PTPN7: variants seen among roughly 807,000 people sequenced by gnomAD.
PTPN7 encodes protein tyrosine phosphatase non-receptor type 7.
PTPN7 carries 33 observed loss-of-function variants against 50.3 expected under a neutral mutation model. That is an observed-to-expected ratio of 0.66 (90% CI 0.50 to 0.88). The LOEUF is 0.88. Ranked by LOEUF, PTPN7 falls within the 40% of genes least tolerant of loss-of-function variation. The pLI is 0.00. For synonymous variants in PTPN7, 185 were observed against 186.6 expected (o/e 0.99, Z 0.07); for missense variants, 412 against 475.4 (o/e 0.87, Z 1.24).
intron 7 of PTPN7, among the ~76,000 whole-genome samples, chr1:202,153,160 TTTTG>T (rs1200481250): frequency 1.3e-5 from 2 of 152,192 alleles, no homozygotes; most frequent in African/African-American, 2.4e-5. Flanking sequence ...TTTTGTTTTA[TTTTG>T]TTTGTTTTTT....
chr1:202,148,594 G>C lies in PTPN7; in HGVS notation c.*12C>G. On this transcript the variant is annotated 3_prime_UTR_variant, in exon 10 of 10. Transcript: ENST00000691036. ...GGAGGTAGGCACCTGGGCCACCGGA[G>C]GGTGGCAGGGGTCAGGGGCTGGGTT... 6.2e-7 allele frequency: 1 copy of C among 1,611,042 alleles called. No homozygotes were observed. The highest frequency in any genetic ancestry group is 1.1e-5 in the South Asian group (1 of 90,926).
rs1657020108 is a variant in PTPN7, at chr1:202,159,043, G to C, written c.122+238C>G. ...GGCTCCGACATGCATCCAGCACCAA[G>C]AAGGCTGTGGGCCTTGCCTGGAATT... On this transcript the variant is annotated intron_variant, in intron 2 of 9. Coordinates refer to ENST00000691036, the MANE Select transcript of PTPN7 (RefSeq NM_002832.4). The surrounding 1 kb of genome is among the most constrained non-coding windows in gnomAD (Gnocchi z 4.6). 3.7e-6 allele frequency: 2 copies of C among 546,670 alleles called. No homozygotes were observed. The highest frequency in any genetic ancestry group is 6.5e-6 in the Non-Finnish European group (2 of 305,350). The allele number at this position is 546,670 out of a possible 1,614,324, so 33.9% of individuals were successfully genotyped here. A position where few individuals can be genotyped will look rare whatever the true frequency, so the allele number is the denominator to read the frequency against.
rs1655568860 is a variant in PTPN7, at chr1:202,148,561, G to C, written c.*45C>G. 9 of 1,562,708 alleles carry C rather than the reference G, an allele frequency of 5.8e-6. No homozygotes were observed. The highest frequency in any genetic ancestry group is 7.9e-6 in the Non-Finnish European group (9 of 1,135,886). ...CACTTTCCCCAGACCCACCTTCCCA[G>C]GCTTGAGGGAGGTAGGCACCTGGGC... On this transcript the variant is annotated 3_prime_UTR_variant, in exon 10 of 10. Transcript: ENST00000691036.
intron 2 of PTPN7, 94 bp from the exon 3 acceptor site, chr1:202,158,395 T>C: frequency 7.4e-7 from 1 of 1,354,588 alleles, no homozygotes; most frequent in South Asian, 1.4e-5. Context: ...GGTCTCTCTC[T>C]GTTGCCCAGG....
chr1:202,150,235 T>C (rs761852167), intron 9 of PTPN7, 76 bp downstream of exon 9: 1 of 1,130,770 alleles, frequency 8.8e-7, no homozygotes, highest in Non-Finnish European at 1.3e-6. Context: ...GTGATGGGCC[T>C]AGCAGAACTC....
rs761124871 is a variant in PTPN7 at position 202,152,584 on chromosome 1, G to A, written c.833C>T (p.Pro278Leu). ...AGGCCCGGGGTGGGCGGCTGTCTCCGGGCTCTCCTCCACCTCTGCCACTAG... is the reference window on the plus strand; with the variant it reads ...AGGCCCGGGGTGGGCGGCTGTCTCCAGGCTCTCCTCCACCTCTGCCACTAG... ...LRLVAEVEES[P>L]ETAAHPGPIV... The change falls in exon 8 of 10, where the codon CCG becomes CTG. Residue 278 changes from proline to leucine, a missense_variant. Pro to Leu is a moderately conservative substitution (Grantham distance 98). Transcript: ENST00000691036. 8.7e-6 allele frequency: 14 copies of A among 1,613,586 alleles called. No homozygotes were observed. Among genetic ancestry groups the A allele is most frequent in the East Asian group, 4.5e-5 (2 of 44,898 alleles).
Position 202,159,261 on chromosome 1 carries a change from T to C in PTPN7, c.122+20A>G. 1.2e-6 allele frequency: 2 copies of C among 1,610,338 alleles called. No individual in the cohort carries two copies. The highest frequency in any genetic ancestry group is 3.4e-4 in the Middle Eastern group (2 of 5,948). ...GGGGGCTCAGGGCTCGGAAGACCCC[T>C]CCCCCAGGGAAGATCTCACCTCTCC... On this transcript the variant is annotated intron_variant, in intron 2 of 9. Coordinates refer to ENST00000691036, the MANE Select transcript of PTPN7 (RefSeq NM_002832.4). The surrounding 1 kb of genome is among the most constrained non-coding windows in gnomAD (Gnocchi z 4.6).
rs1656328901 is a variant in PTPN7, at chr1:202,153,812, T to C, written c.630A>G (p.Thr210=). The stretch of plus-strand genomic sequence containing the variant: ...GGAAGGGTCCATAGGTTTCCTCTTC[T>C]GTGGGCCAGTAGTGGACACATTTCT... ...GKEKCVHYWP[T]EEETYGPFQI... is the part of the protein sequence containing the mutation. Residue 210 remains threonine (T), a synonymous_variant, in exon 7 of 10, where the codon ACA becomes ACG. Coordinates refer to ENST00000691036, the MANE Select transcript of PTPN7 (RefSeq NM_002832.4). The C allele has an allele frequency of 1.2e-6, 2 of 1,613,950 alleles. No individual in the cohort carries two copies. Among genetic ancestry groups the C allele is most frequent in the South Asian group, 2.2e-5 (2 of 91,084 alleles).
chr1:202,153,708 C>T lies in PTPN7; in HGVS notation c.717+17G>A. On this transcript the variant is annotated intron_variant, in intron 7 of 9. Transcript: ENST00000691036. The stretch of plus-strand genomic sequence containing the variant: ...CGGCCCAACTTCCCACTGGGCCTGG[C>T]TCCGGGGGGGTGGTACCTGGATGGT... The T allele has an allele frequency of 6.2e-7, 1 of 1,605,436 alleles. No individual in the cohort carries two copies. The highest frequency in any genetic ancestry group is 2.2e-5 in the East Asian group (1 of 44,822).
chr1:202,159,627 C>G lies in PTPN7; in HGVS notation c.-52-173G>C. On this transcript the variant is annotated intron_variant, in intron 1 of 9. Coordinates refer to ENST00000691036, the MANE Select transcript of PTPN7 (RefSeq NM_002832.4). This position sits in a 1 kb window ranked among gnomAD's most constrained non-coding sequence, Gnocchi z 4.6. ...AGGATCTATTTGGTGGGACCCAGGG[C>G]AGAAGGCAGTCTCGGGGTAGAGTAA... 1 of 1,467,242 alleles carries G rather than the reference C, an allele frequency of 6.8e-7. No individual in the cohort carries two copies. The highest frequency in any genetic ancestry group is 1.5e-5 in the South Asian group (1 of 68,024). The allele number at this position is 1,467,242 out of a possible 1,614,324, so 90.9% of individuals were successfully genotyped here. A position where few individuals can be genotyped will look rare whatever the true frequency, so the allele number is the denominator to read the frequency against.
upstream of PTPN7, chr1:202,161,362 C>T: frequency 1.6e-6 from 2 of 1,230,452 alleles, no homozygotes; most frequent in South Asian, 1.4e-5. Context: ...CTCCCAGAAC[C>T]CTGACATCTA....
In PTPN7 at chr1:202,155,535, G is replaced by T. The variant is rs754611225; in HGVS notation, c.466C>A (p.Arg156=). The T allele has an allele frequency of 6.5e-7, 1 of 1,546,838 alleles. No homozygotes were observed. Among genetic ancestry groups the T allele is most frequent in the Admixed American group, 1.7e-5 (1 of 59,886 alleles). ...DGDYINANYI[R]GYDGKEKVYI... ...ACCACTGCAGCCAGGCCACTCACTCGGATGTAGTTGGCATTGATGTAATCT... is the reference window on the plus strand; with the variant it reads ...ACCACTGCAGCCAGGCCACTCACTCTGATGTAGTTGGCATTGATGTAATCT... The change falls in exon 5 of 10, where the codon CGA becomes AGA. Residue 156 remains arginine, a splice_region_variant and synonymous_variant. Coordinates refer to ENST00000691036, the MANE Select transcript of PTPN7 (RefSeq NM_002832.4).
chr1:202,161,189 G>A (rs986157322), upstream of PTPN7: 74 of 1,125,226 alleles, frequency 6.6e-5, no homozygotes, highest in East Asian at 2.9e-4. Flanking sequence ...GGAAAGGGCC[G>A]GGGCCAGGCC....
chr1:202,150,191 AG>A (rs1655821582), intron 9 of PTPN7, 119 bp downstream of exon 9: 1 of 770,380 alleles, frequency 1.3e-6, no homozygotes, highest in Admixed American at 2.3e-5. Context: ...CTAAGCAGAA[AG>A]GGTTTCTTCC....
upstream of PTPN7, chr1:202,161,046 C>G: frequency 2.2e-6 from 3 of 1,395,238 alleles, no homozygotes; most frequent in Non-Finnish European, 2.8e-6. Context: ...AAGGCCCTCT[C>G]CCTCAAAGCC....
chr1:202,158,533 G>GTTTT, intron 2 of PTPN7: 35 of 363,100 alleles, frequency 9.6e-5, no homozygotes, highest in South Asian at 2.4e-4. Context: ...GCTAATTTAA[G>GTTTT]TTTTTTTTTT....
At chr1:202,149,911 CA>C (rs1233635501) in intron 9 of PTPN7, 1 of 149,138 alleles carries the variant, frequency 6.7e-6, no homozygotes, top group East Asian at 1.9e-4. Context: ...CGGCTCACTG[CA>C]ATCTCCACCT....
At chr1:202,157,381 T>C (rs1228929203) in intron 4 of PTPN7, among the ~76,000 whole-genome samples, 1 of 151,930 alleles carries the variant, frequency 6.6e-6, no homozygotes, top group Middle Eastern at 3.2e-3. Flanking sequence ...TGGAGGCGCA[T>C]GCCTGTAATC....
At chr1:202,151,380 G>A (rs190000971) in intron 8 of PTPN7, among the ~76,000 whole-genome samples, 99 of 152,230 alleles carry the variant, frequency 6.5e-4, no homozygotes, top group African/African-American at 2.3e-3. Flanking sequence ...TCTTCACTTG[G>A]CTAATTCACC....
Sources: allele counts gnomAD v4.1 joint callset (sites outside exome capture counted in the v4.1 genomes callset), GRCh38; gene constraint gnomAD v4.1.1; non-coding constraint Gnocchi (gnomAD v3.1); transcripts MANE v1.5; gene names NCBI Gene and HGNC (gene_info 2026-07-23, HGNC 2026-07-21).